Variants in INPP4A observed in about 807,000 individuals in gnomAD.
INPP4A encodes inositol polyphosphate-4-phosphatase type I A, also known as inositol polyphosphate-4-phosphatase, type I, 107kD.
INPP4A carries 33 observed loss-of-function variants against 119.8 expected under a neutral mutation model. The observed-to-expected ratio is 0.28, with a 90% confidence interval of 0.21 to 0.37. INPP4A has a LOEUF of 0.37. Ranked by LOEUF, INPP4A falls within the 10% of genes least tolerant of loss-of-function variation. The pLI, the probability that INPP4A is intolerant of heterozygous loss-of-function variation, is 1.00. For missense variants in INPP4A, 956 were observed against 1,289.9 expected, an observed-to-expected ratio of 0.74 and a Z score of 3.97; for synonymous variants, 496 against 500.7, an observed-to-expected ratio of 0.99 and a Z score of 0.12.
chr2:98,514,794 G>T (rs560920432), intron 1 of INPP4A, among the ~76,000 whole-genome samples: 1 of 152,192 alleles, frequency 6.6e-6, no homozygotes, highest in African/African-American at 2.4e-5. Context: ...TGGCACACAC[G>T]TGTGGTCCCA....
chr2:98,448,999 G>A (rs1461135293), intron 1 of INPP4A, among the ~76,000 whole-genome samples: 4 of 152,300 alleles, frequency 2.6e-5, no homozygotes, highest in South Asian at 2.1e-4. Context: ...CACTGTGCCC[G>A]AATAATGCTG....
At chr2:98,448,982 C>T (rs868423906) in intron 1 of INPP4A, among the ~76,000 whole-genome samples, 7 of 152,270 alleles carry the variant, frequency 4.6e-5, no homozygotes, top group African/African-American at 1.4e-4. Flanking sequence ...AGTTTACAGG[C>T]GTGAGCCACT....
Position 98,591,263 on chromosome 2 carries a change from C to T in INPP4A, c.*3655C>T, listed in dbSNP as rs1700389883. 1 of 169,076 alleles carries T rather than the reference C, an allele frequency of 5.9e-6. No homozygotes were observed. The highest frequency in any genetic ancestry group is 1.3e-5 in the Non-Finnish European group (1 of 78,060). The allele number at this position is 169,076 out of a possible 1,614,324, so 10.5% of individuals were successfully genotyped here. On this transcript the variant is annotated 3_prime_UTR_variant, in exon 25 of 25. Coordinates refer to ENST00000409851, the MANE Select transcript of INPP4A (RefSeq NM_001134225.2). Reference sequence around the variant, plus strand: ...CACGACGAGGGGCTGGACTAAAGTGCTCACTGGCACCTTGCTTGGTGCATG... The same window carrying T: ...CACGACGAGGGGCTGGACTAAAGTGTTCACTGGCACCTTGCTTGGTGCATG...
At chr2:98,463,629 A>C (rs1342089900) in intron 1 of INPP4A, among the ~76,000 whole-genome samples, 1 of 152,240 alleles carries the variant, frequency 6.6e-6, no homozygotes, top group Admixed American at 6.5e-5. Flanking sequence ...GTTTTCAGGC[A>C]CAAAGGAATT....
chr2:98,528,315 C>A (rs1394177002), intron 4 of INPP4A, among the ~76,000 whole-genome samples: 1 of 152,196 alleles, frequency 6.6e-6, no homozygotes, highest in South Asian at 2.1e-4. Flanking sequence ...AAAGAATCAG[C>A]AAACTTGAAG....
intron 13 of INPP4A, among the ~76,000 whole-genome samples, chr2:98,547,072 A>G (rs1335526021): frequency 6.6e-6 from 1 of 152,234 alleles, no homozygotes; most frequent in Non-Finnish European, 1.5e-5. Flanking sequence ...CAGCAGTGGT[A>G]AACATTCCCA....
At chr2:98,541,151 C>T (rs947571586) in intron 10 of INPP4A, among the ~76,000 whole-genome samples, 3 of 152,060 alleles carry the variant, frequency 2.0e-5, no homozygotes, top group Admixed American at 1.3e-4. Context: ...CACGGTGAAA[C>T]CTCGTTTCTA....
intron 4 of INPP4A, among the ~76,000 whole-genome samples, chr2:98,523,781 A>G (rs975613160): frequency 6.6e-6 from 1 of 152,222 alleles, no homozygotes; most frequent in Non-Finnish European, 1.5e-5. Context: ...TTAAATTTTT[A>G]AAAAAGTATG....
rs1326323685 is a variant in INPP4A at position 98,539,512 on chromosome 2, TGTC to T, written c.671-15_671-13del. 1 of 1,597,950 alleles carries T rather than the reference TGTC, an allele frequency of 6.3e-7. No individual in the cohort carries two copies. The highest frequency in any genetic ancestry group is 2.3e-5 in the East Asian group (1 of 43,844). On this transcript the variant is annotated splice_polypyrimidine_tract_variant and intron_variant, in intron 9 of 24. Coordinates refer to ENST00000409851, the MANE Select transcript of INPP4A (RefSeq NM_001134225.2). The stretch of plus-strand genomic sequence containing the variant: ...CAGTTCATTTGCAGCCTGTCTCCCT[TGTC>T]ATCCCACCTCAGTGTTCGGTGGTGC...
chr2:98,465,659 C>CGAGG (rs1674589852), intron 1 of INPP4A, among the ~76,000 whole-genome samples: 1 of 152,208 alleles, frequency 6.6e-6, no homozygotes, highest in Non-Finnish European at 1.5e-5. Flanking sequence ...GTCCTTTCCT[C>CGAGG]TCCCAGACTC....
At chr2:98,533,802 C>T (rs1358274927) in intron 5 of INPP4A, among the ~76,000 whole-genome samples, 1 of 152,210 alleles carries the variant, frequency 6.6e-6, no homozygotes, top group Non-Finnish European at 1.5e-5. Context: ...CTCCAATTGG[C>T]TGCTACTTTG....
At chr2:98,500,798 C>T (rs1201020725) in intron 1 of INPP4A, among the ~76,000 whole-genome samples, 2 of 152,160 alleles carry the variant, frequency 1.3e-5, no homozygotes, top group East Asian at 1.9e-4. Flanking sequence ...TAAACTGGCT[C>T]AGCAGGGTTC....
chr2:98,474,776 A>G (rs1676858014), intron 1 of INPP4A, among the ~76,000 whole-genome samples: 1 of 152,134 alleles, frequency 6.6e-6, no homozygotes, highest in South Asian at 2.1e-4. Context: ...AAAAAATTCT[A>G]TTTCATGGAT....
At position 98,559,472 on chromosome 2, in the gene INPP4A, C is replaced by G. The variant is rs763295568; in HGVS notation, c.1832C>G (p.Pro611Arg). The G allele has an allele frequency of 6.2e-7, 1 of 1,614,014 alleles. No homozygotes were observed. Among genetic ancestry groups the G allele is most frequent in the Non-Finnish European group, 8.5e-7 (1 of 1,179,890 alleles). The change falls in exon 17 of 25, where the codon CCC (proline) becomes CGC (arginine). Residue 611 changes from proline to arginine, a missense_variant. Pro to Arg is a moderately radical substitution (Grantham distance 103). Coordinates refer to ENST00000409851, the MANE Select transcript of INPP4A (RefSeq NM_001134225.2). ...CTCCATTTCTGTGCAGATTGCAGTC[C>G]CCCTCCTGAAGAGTCCAGCCCAGGT... ...CHPHLTTHCSPPPEESSPGEW... is the reference protein window; with the variant it reads ...CHPHLTTHCSRPPEESSPGEW...
At chr2:98,476,772 T>C (rs1574618405) in intron 1 of INPP4A, among the ~76,000 whole-genome samples, 6 of 152,312 alleles carry the variant, frequency 3.9e-5, no homozygotes, top group Admixed American at 6.5e-5. Flanking sequence ...GAAATTCTCA[T>C]GGGGCCCTCC....
intron 1 of INPP4A, among the ~76,000 whole-genome samples, chr2:98,472,784 G>T (rs1327394999): frequency 1.3e-5 from 2 of 152,248 alleles, no homozygotes; most frequent in Non-Finnish European, 2.9e-5. Flanking sequence ...CCCAGAAAGG[G>T]CAGTGACTTG....
chr2:98,527,271 C>G (rs1394053832), intron 4 of INPP4A, among the ~76,000 whole-genome samples: 2 of 152,200 alleles, frequency 1.3e-5, no homozygotes, highest in African/African-American at 2.4e-5. Context: ...ATTATTTGGC[C>G]TGTCTGGCAG....
chr2:98,576,875 T>A, intron 23 of INPP4A, 114 bp from the exon 24 acceptor site: 1 of 1,289,646 alleles, frequency 7.8e-7, no homozygotes, highest in Non-Finnish European at 1.1e-6. Context: ...GGCCTGGGTG[T>A]TGAGTTTCTG....
At chr2:98,575,871 G>A (rs910284708) in intron 23 of INPP4A, among the ~76,000 whole-genome samples, 1 of 152,210 alleles carries the variant, frequency 6.6e-6, no homozygotes, top group Non-Finnish European at 1.5e-5. Flanking sequence ...ACGGTGCATA[G>A]TCCTTTATCT....
Sources: allele counts gnomAD v4.1 joint callset (sites outside exome capture counted in the v4.1 genomes callset), GRCh38; gene constraint gnomAD v4.1.1; transcripts MANE v1.5; gene names NCBI Gene and HGNC (gene_info 2026-07-23, HGNC 2026-07-21).